RHCE: variants seen among roughly 807,000 people sequenced by gnomAD.
The protein encoded by RHCE is Rh blood group CcEe antigens.
In RHCE, 22 loss-of-function variants were observed where a neutral mutation model predicts 43.8. That is an observed-to-expected ratio of 0.50 (90% CI 0.36 to 0.72). The LOEUF (loss-of-function observed/expected upper bound fraction) is 0.72. Ranked by LOEUF, RHCE falls within the 30% of genes least tolerant of loss-of-function variation. RHCE has a pLI of 0.00. For missense variants in RHCE, 385 were observed against 525.4 expected, an observed-to-expected ratio of 0.73 and a Z score of 2.61; for synonymous variants, 156 against 210.7, an observed-to-expected ratio of 0.74 and a Z score of 2.25.
At chr1:25,427,567 T>A (rs1285879865) in intron 2 of RHCE, among the ~76,000 whole-genome samples, 1 of 152,160 alleles carries the variant, frequency 6.6e-6, no homozygotes, top group Non-Finnish European at 1.5e-5. Flanking sequence ...GGGCTTGTGC[T>A]AGAGTGGGTC....
chr1:25,427,278 A>G (rs1254970190), intron 2 of RHCE, among the ~76,000 whole-genome samples: 4 of 152,236 alleles, frequency 2.6e-5, no homozygotes, highest in Non-Finnish European at 5.9e-5. Flanking sequence ...TTCTGGGCTC[A>G]GCTGAAGCCC....
intron 1 of RHCE, among the ~76,000 whole-genome samples, chr1:25,410,689 C>A (rs1419636162): frequency 6.6e-6 from 1 of 152,070 alleles, no homozygotes; most frequent in Non-Finnish European, 1.5e-5. Flanking sequence ...CATGAGCCAC[C>A]GTGCCCAGCC....
At chr1:25,401,142 G>A (rs1371565302) in intron 3 of RHCE, among the ~76,000 whole-genome samples, 1 of 152,100 alleles carries the variant, frequency 6.6e-6, no homozygotes, top group African/African-American at 2.4e-5. Flanking sequence ...TAAATCCAAA[G>A]TCCTTTGGGA....
intron 3 of RHCE, among the ~76,000 whole-genome samples, chr1:25,396,412 T>C (rs1253791322): frequency 2.6e-5 from 4 of 152,212 alleles, no homozygotes; most frequent in African/African-American, 7.2e-5. Context: ...TGAACAATGG[T>C]TATGTAAGAG....
At chr1:25,379,493 ATATTTTTTT>A (rs1645924273) in intron 7 of RHCE, among the ~76,000 whole-genome samples, 1 of 17,892 alleles carries the variant, frequency 5.6e-5, no homozygotes, top group Non-Finnish European at 7.6e-5. Flanking sequence ...ATATATATAT[ATATTTTTTT>A]TTTTTTTTTT....
At chr1:25,387,983 G>A (rs1037166780) in intron 6 of RHCE, among the ~76,000 whole-genome samples, 2 of 152,016 alleles carry the variant, frequency 1.3e-5, no homozygotes, top group Non-Finnish European at 2.9e-5. Context: ...ACCACGCCTG[G>A]CTAATTTTTG....
At chr1:25,397,750 T>C (rs1375668448) in intron 3 of RHCE, among the ~76,000 whole-genome samples, 1 of 150,274 alleles carries the variant, frequency 6.7e-6, no homozygotes, top group Admixed American at 6.6e-5. Flanking sequence ...CTCGTCTCTT[T>C]CCCTGCGTTA....
At chr1:25,423,293 C>A (rs188106340), upstream of RHCE, among the ~76,000 whole-genome samples, 24 of 152,346 alleles carry the variant, frequency 1.6e-4, no homozygotes, top group African/African-American at 5.8e-4. Flanking sequence ...CCCTGCTAAC[C>A]TGGGCCCAGT....
intron 1 of RHCE, among the ~76,000 whole-genome samples, chr1:25,419,206 T>C (rs2042692361): frequency 6.6e-6 from 1 of 152,256 alleles, no homozygotes; most frequent in Non-Finnish European, 1.5e-5. Flanking sequence ...TAGTGCCTGG[T>C]ACATAGTAAG....
chr1:25,397,224 C>T (rs1294817248), intron 3 of RHCE, among the ~76,000 whole-genome samples: 2 of 149,496 alleles, frequency 1.3e-5, no homozygotes, highest in African/African-American at 2.5e-5. Flanking sequence ...AGGCTGGGCG[C>T]GGTGGCTCAC....
At chr1:25,412,184 G>C (rs1225560850) in intron 1 of RHCE, among the ~76,000 whole-genome samples, 3 of 152,202 alleles carry the variant, frequency 2.0e-5, no homozygotes, top group Admixed American at 1.3e-4. Flanking sequence ...CTGAATGCCT[G>C]GAACTATGTC....
At position 25,388,996 on chromosome 1, in the gene RHCE, C is replaced by G. The variant is rs200950594; in HGVS notation, c.919G>C (p.Gly307Arg). 3.7e-6 allele frequency: 6 copies of G among 1,614,098 alleles called. No homozygotes were observed. In the African/African-American group the frequency reaches 6.7e-5, roughly 18 times the overall value. ...LGLVAGLISI[G>R]GAKCLPVCCN... ...CTTACCGGCAGGCACTTGGCTCCCC[C>G]GATGGAGATCAGCCCAGCCACAAGA... The change falls in exon 6 of 10, where the codon GGG becomes CGG. Residue 307 changes from glycine to arginine, a missense_variant. Physicochemically the swap from Gly to Arg is moderately radical, Grantham distance 125. Coordinates refer to ENST00000294413, the MANE Select transcript of RHCE (RefSeq NM_020485.8).
chr1:25,386,004 A>T (rs1337265415), intron 6 of RHCE, among the ~76,000 whole-genome samples, 160 bp from the exon 7 acceptor site: 3 of 152,158 alleles, frequency 2.0e-5, no homozygotes, highest in African/African-American at 4.8e-5. Context: ...ACTCACATCA[A>T]TGGGGAGTTT....
chr1:25,370,720 A>T (rs112525815), intron 8 of RHCE, among the ~76,000 whole-genome samples, 180 bp from the exon 9 acceptor site: 1 of 118,930 alleles, frequency 8.4e-6, no homozygotes, highest in African/African-American at 3.0e-5. Flanking sequence ...AATTCTGTAG[A>T]CTATTTTATT....
intron 7 of RHCE, among the ~76,000 whole-genome samples, chr1:25,378,808 G>C (rs952294112): frequency 6.6e-6 from 1 of 152,086 alleles, no homozygotes; most frequent in African/African-American, 2.4e-5. Flanking sequence ...TTTTACAGGG[G>C]AACTGTGAAC....
intron 1 of RHCE, among the ~76,000 whole-genome samples, chr1:25,416,076 C>T (rs1438016722): frequency 6.6e-6 from 1 of 151,172 alleles, no homozygotes; most frequent in Admixed American, 6.6e-5. Context: ...TTCAATTCTG[C>T]AAATATTTAA....
chr1:25,383,930 G>GT lies in RHCE; in HGVS notation c.1073+1780dup, dbSNP rs1233013573. ...AAGGCTTTATTTTCATGGAAAGCCA[G>GT]TTGTTAAGTTAATCCTCTACCAGCA... On this transcript the variant is annotated intron_variant, in intron 7 of 9. Coordinates refer to ENST00000294413, the MANE Select transcript of RHCE (RefSeq NM_020485.8). 6.6e-5 allele frequency among the ~76,000 whole-genome samples: 10 copies of GT among 152,320 alleles called. 1 individual carries two copies. The highest frequency in any genetic ancestry group is 6.8e-3 in the Middle Eastern group (2 of 294).
upstream of RHCE, among the ~76,000 whole-genome samples, chr1:25,423,321 G>A (rs1302287172): frequency 6.6e-6 from 1 of 152,170 alleles, no homozygotes; most frequent in Admixed American, 6.6e-5. Flanking sequence ...CTGTAAACCA[G>A]GCAGCCAACT....
At chr1:25,368,163 G>C (rs1230204724) in intron 9 of RHCE, among the ~76,000 whole-genome samples, 1 of 145,118 alleles carries the variant, frequency 6.9e-6, no homozygotes, top group African/African-American at 2.7e-5. Flanking sequence ...ACGTTAAAAT[G>C]TATCAAATTA....
Sources: gnomAD v4.1 joint callset for allele counts (sites outside exome capture counted in the v4.1 genomes callset) on GRCh38, gnomAD v4.1.1 for gene constraint, MANE v1.5 for transcripts, NCBI Gene and HGNC (gene_info 2026-07-23, HGNC 2026-07-21) for gene names.